Variants in FGF13 observed in about 807,000 individuals in gnomAD.
The protein encoded by FGF13 is fibroblast growth factor 13, also known as fibroblast growth factor homologous factor 2.
A neutral mutation model predicts 19.5 loss-of-function variants in FGF13; 2 were observed. That is an observed-to-expected ratio of 0.10 (90% CI 0.04 to 0.32). The LOEUF is 0.32. Ranked by LOEUF, FGF13 falls within the 10% of genes least tolerant of loss-of-function variation. FGF13 has a pLI of 1.00. For synonymous variants in FGF13, 72 were observed against 76.9 expected (o/e 0.94, Z 0.33); for missense variants, 113 against 192.7 (o/e 0.59, Z 2.45).
At chrX:138,707,273 T>A (rs1203000265) in intron 2 of FGF13, among the ~76,000 whole-genome samples, 1 of 111,478 alleles carries the variant, frequency 9.0e-6, no homozygotes, top group Non-Finnish European at 1.9e-5. Flanking sequence ...TCTACTTTTT[T>A]TTTATTTCTT....
intron 1 of FGF13, among the ~76,000 whole-genome samples, chrX:138,734,469 G>C (rs1363306720): frequency 9.0e-6 from 1 of 111,288 alleles, no homozygotes; most frequent in African/African-American, 3.3e-5. Context: ...TAATCTAGAG[G>C]GGAAAATGAG....
intron 1 of FGF13, among the ~76,000 whole-genome samples, chrX:139,001,830 C>T (rs1490772901): frequency 8.9e-6 from 1 of 111,788 alleles, no homozygotes; most frequent in Non-Finnish European, 1.9e-5. Context: ...CCAGCAACCC[C>T]ATTACTGAGT....
intron 1 of FGF13, among the ~76,000 whole-genome samples, chrX:139,100,549 A>G (rs1044650952): frequency 9.0e-6 from 1 of 111,528 alleles, no homozygotes; most frequent in Non-Finnish European, 1.9e-5. Flanking sequence ...CAACTGAAAA[A>G]AAAACTTACG....
Position 138,737,139 on chromosome X carries a change from A to C in FGF13, c.28+2103T>G, listed in dbSNP as rs531506323. Among the ~76,000 whole-genome samples the C allele has an allele frequency of 3.6e-5, 4 of 111,623 alleles. No homozygotes were observed. In the South Asian group the frequency reaches 1.5e-3, roughly 43 times the overall value. ...CCCTGAGGATCAAATGAGAGGCAGC[A>C]GACTTAACTGGAGATGGAGAACTTA... On this transcript the variant is annotated intron_variant, in intron 1 of 4. Transcript: ENST00000305414.
chrX:138,798,641 T>C (rs1259343264), intron 3 of FGF13, among the ~76,000 whole-genome samples: 1 of 111,987 alleles, frequency 8.9e-6, no homozygotes, highest in Non-Finnish European at 1.9e-5. Context: ...GAAGGAATGG[T>C]ACCAGCTCCT....
intron 1 of FGF13, among the ~76,000 whole-genome samples, chrX:138,931,037 A>G (rs2091698834): frequency 8.9e-6 from 1 of 112,844 alleles, no homozygotes; most frequent in South Asian, 3.6e-4. Flanking sequence ...CTTATGAATT[A>G]TAATACATTA....
intron 1 of FGF13, among the ~76,000 whole-genome samples, chrX:138,730,189 G>C (rs184186729): frequency 1.5e-3 from 168 of 110,627 alleles, no homozygotes; most frequent in African/African-American, 5.2e-3. Flanking sequence ...CCTGTCGTGG[G>C]GTGGAGGAGG....
chrX:138,687,243 C>A lies in FGF13; in HGVS notation c.402+15741G>T, dbSNP rs529030252. Among the ~76,000 whole-genome samples, 10 of 111,616 alleles carry A rather than the reference C, an allele frequency of 9.0e-5. No homozygotes were observed. The East Asian group carries it at 2.8e-3, about 31-fold the overall frequency. On this transcript the variant is annotated intron_variant, in intron 3 of 4. Coordinates refer to ENST00000315930, the MANE Select transcript of FGF13 (RefSeq NM_004114.5). The stretch of plus-strand genomic sequence containing the variant: ...ATGGGAGAAAATATTTGCATACTGT[C>A]CACCTAACAAGGGATTAATAAGCAG...
chrX:139,092,431 T>C (rs889589754), intron 1 of FGF13, among the ~76,000 whole-genome samples: 103 of 112,300 alleles, frequency 9.2e-4, no homozygotes, highest in Non-Finnish European at 7.3e-4. Flanking sequence ...CAGAGAAAAG[T>C]ATCGAAGTGG....
chrX:138,854,448 A>G (rs188666521), downstream of FGF13, among the ~76,000 whole-genome samples: 4 of 111,575 alleles, frequency 3.6e-5, no homozygotes, highest in East Asian at 1.1e-3. Context: ...AAATATCTAT[A>G]AAAAGATGGG....
intron 3 of FGF13, among the ~76,000 whole-genome samples, chrX:138,746,792 T>C (rs1462075471): frequency 8.9e-6 from 1 of 112,484 alleles, no homozygotes; most frequent in Non-Finnish European, 1.9e-5. Flanking sequence ...TGCAAAGCAC[T>C]TATCACAGTG....
chrX:138,960,545 A>G (rs1197453888), intron 1 of FGF13, among the ~76,000 whole-genome samples: 3 of 111,116 alleles, frequency 2.7e-5, no homozygotes. Flanking sequence ...CCTGAATTTG[A>G]ATGTTGGCCT....
At chrX:138,954,615 C>T (rs1246604836) in intron 1 of FGF13, among the ~76,000 whole-genome samples, 1 of 111,501 alleles carries the variant, frequency 9.0e-6, no homozygotes, top group Non-Finnish European at 1.9e-5. Flanking sequence ...TGAGATAATT[C>T]TACTTTATTA....
At chrX:138,752,879 G>GA (rs1435248635) in intron 3 of FGF13, among the ~76,000 whole-genome samples, 5 of 111,614 alleles carry the variant, frequency 4.5e-5, no homozygotes, top group African/African-American at 6.5e-5. Context: ...CTCATTGTCA[G>GA]AAAAAAATCA....
intron 1 of FGF13, among the ~76,000 whole-genome samples, chrX:138,905,892 C>T (rs1274454873): frequency 1.8e-5 from 2 of 111,463 alleles, no homozygotes; most frequent in African/African-American, 6.5e-5. Context: ...AAAAAATGTT[C>T]AATGGGTTCT....
chrX:138,906,555 A>G (rs1175777543), intron 1 of FGF13, among the ~76,000 whole-genome samples: 2 of 111,771 alleles, frequency 1.8e-5, no homozygotes, highest in East Asian at 5.6e-4. Flanking sequence ...GATAAAAAGC[A>G]ATGTCAGGTA....
chrX:138,796,384 T>C (rs971868779), intron 3 of FGF13, among the ~76,000 whole-genome samples: 1 of 112,064 alleles, frequency 8.9e-6, no homozygotes, highest in African/African-American at 3.2e-5. Context: ...TCCATGTCCC[T>C]GCAAAGCACA....
At chrX:138,770,569 T>C (rs750190953) in intron 3 of FGF13, among the ~76,000 whole-genome samples, 1 of 111,444 alleles carries the variant, frequency 9.0e-6, no homozygotes, top group Non-Finnish European at 1.9e-5. Flanking sequence ...CTGTCCTCTG[T>C]GCTCTCATCG....
At chrX:138,777,399 C>T (rs780181690) in intron 3 of FGF13, among the ~76,000 whole-genome samples, 1 of 111,606 alleles carries the variant, frequency 9.0e-6, no homozygotes, top group Non-Finnish European at 1.9e-5. Context: ...TGAGAGACAT[C>T]AGGTATCCAG....
Sources: gnomAD v4.1 joint callset for allele counts (sites outside exome capture counted in the v4.1 genomes callset) on GRCh38, gnomAD v4.1.1 for gene constraint, MANE v1.5 for transcripts, NCBI Gene and HGNC (gene_info 2026-07-23, HGNC 2026-07-21) for gene names.